PKNOX1: variants seen among roughly 807,000 people sequenced by gnomAD.
PKNOX1 encodes homeobox protein PKNOX1.
A neutral mutation model predicts 51.9 loss-of-function variants in PKNOX1; 15 were observed. That is an observed-to-expected ratio of 0.29 (90% confidence interval 0.19 to 0.45). PKNOX1 has a LOEUF of 0.45. Ranked by LOEUF, PKNOX1 falls within the 20% of genes least tolerant of loss-of-function variation. The pLI, the probability that PKNOX1 is intolerant of heterozygous loss-of-function variation, is 1.00. For missense variants in PKNOX1, 462 were observed against 547.5 expected (o/e 0.84, Z 1.56); for synonymous variants, 219 against 211.1 (o/e 1.04, Z -0.32).
chr21:42,992,133 C>T (rs1202874470), intron 1 of PKNOX1, among the ~76,000 whole-genome samples: 3 of 152,240 alleles, frequency 2.0e-5, no homozygotes, highest in Non-Finnish European at 4.4e-5. Context: ...TTCATCAGCT[C>T]ACCCTGTGTT....
chr21:42,999,285 G>C (rs1978643640), intron 1 of PKNOX1, among the ~76,000 whole-genome samples: 1 of 152,204 alleles, frequency 6.6e-6, no homozygotes, highest in South Asian at 2.1e-4. Context: ...ACAGAACAAG[G>C]ACCCTGGGCC....
chr21:43,018,208 C>G lies in PKNOX1; in HGVS notation c.698C>G (p.Thr233Arg), dbSNP rs1200452658. ...QVVTQTLSPG[T>R]IRIQNSQLQL... Reference sequence around the variant, plus strand: ...GTCACACAGACATTGTCGCCTGGGACAATTAGGATCCAGAACTCCCAGGTG... The same window carrying G: ...GTCACACAGACATTGTCGCCTGGGAGAATTAGGATCCAGAACTCCCAGGTG... The change falls in exon 7 of 11, where the codon ACA becomes AGA. Residue 233 changes from threonine (T) to arginine (R), a missense_variant. Physicochemically the swap from Thr to Arg is moderately conservative, Grantham distance 71. Transcript: ENST00000291547. 1.2e-6 allele frequency: 2 copies of G among 1,613,336 alleles called. No homozygotes were observed. The highest frequency in any genetic ancestry group is 1.7e-6 in the Non-Finnish European group (2 of 1,179,544).
chr21:42,988,195 C>T (rs566954709), intron 1 of PKNOX1, among the ~76,000 whole-genome samples: 11 of 152,060 alleles, frequency 7.2e-5, no homozygotes, highest in Admixed American at 5.2e-4. Flanking sequence ...CTGAAATAGG[C>T]GCGTGCCACC....
Position 42,984,876 on chromosome 21 carries a change from C to T in PKNOX1, c.-57+10212C>T, listed in dbSNP as rs2059043563. On this transcript the variant is annotated intron_variant, in intron 1 of 10. Coordinates refer to ENST00000291547, the MANE Select transcript of PKNOX1 (RefSeq NM_004571.5). Reference sequence around the variant, plus strand: ...CAGGGAGGGAGTGCAGGTGCCAGTTCCACAGTGCTGTGTGCCCAGTGTAGG... The same window carrying T: ...CAGGGAGGGAGTGCAGGTGCCAGTTTCACAGTGCTGTGTGCCCAGTGTAGG... Among the ~76,000 whole-genome samples, 3 of 140,224 alleles carry T rather than the reference C, an allele frequency of 2.1e-5. No homozygotes were observed. In the South Asian group the frequency reaches 7.2e-4, roughly 34 times the overall value. The allele number at this position is 140,224 out of a possible 152,430, so 92.0% of individuals were successfully genotyped here.
chr21:43,019,599 G>C (rs1363833885), intron 7 of PKNOX1, among the ~76,000 whole-genome samples: 1 of 151,808 alleles, frequency 6.6e-6, no homozygotes, highest in African/African-American at 2.4e-5. Flanking sequence ...CTGGAGTGTA[G>C]TGGTGTGATC....
Position 43,010,627 on chromosome 21 carries a change from A to G in PKNOX1, c.351+403A>G, listed in dbSNP as rs8127230. On this transcript the variant is annotated intron_variant, in intron 4 of 10. Coordinates refer to ENST00000291547, the MANE Select transcript of PKNOX1 (RefSeq NM_004571.5). ...AGCACTTTGGGAGGCCGAGGTGGGC[A>G]GATCACAAGGTCAGGAGTTCGAGAC... Among the ~76,000 whole-genome samples, 620 of 152,050 alleles carry G rather than the reference A, an allele frequency of 4.1e-3. 4 individuals carry two copies. Among genetic ancestry groups the G allele is most frequent in the African/African-American group, 0.014 (587 of 41,486 alleles).
In PKNOX1 at chr21:43,010,215, T is replaced by C. The variant is rs234781; in HGVS notation, c.342T>C (p.Thr114=). ...CTTTCTTTTGTGAAGATCCAGAAAC[T>C]GATAATTTAGTAAGTAAAATAAATT... ...GKPFFCEDPE[T]DNLMVKAIQV... is the part of the protein sequence containing the mutation. The change falls in exon 4 of 11, where the codon ACT becomes ACC. Residue 114 remains threonine (T), a synonymous_variant. Transcript: ENST00000291547. 0.9 allele frequency: 1,367,594 copies of C among 1,520,792 alleles called. 616,553 individuals carry two copies. Among genetic ancestry groups the C allele is most frequent in the Non-Finnish European group, 0.91 (1,024,198 of 1,122,810 alleles). 94.2% of individuals were successfully genotyped at this position (1,520,792 alleles called of 1,614,324 possible).
In PKNOX1 at chr21:42,983,967, A is replaced by G. The variant is rs797019835; in HGVS notation, c.-57+9303A>G. On this transcript the variant is annotated intron_variant, in intron 1 of 10. Coordinates refer to ENST00000291547, the MANE Select transcript of PKNOX1 (RefSeq NM_004571.5). Reference sequence around the variant, plus strand: ...ATTTCCCTAATAATTAGTGATGTGGAGCATCTTTTCACATGTTCATCGGCC... The same window carrying G: ...ATTTCCCTAATAATTAGTGATGTGGGGCATCTTTTCACATGTTCATCGGCC... 2.6e-5 allele frequency among the ~76,000 whole-genome samples: 4 copies of G among 151,994 alleles called. No homozygotes were observed. The South Asian group carries it at 8.3e-4, about 32-fold the overall frequency.
intron 1 of PKNOX1, among the ~76,000 whole-genome samples, chr21:42,982,598 G>GTGC (rs1168424622): frequency 1.3e-5 from 2 of 151,644 alleles, no homozygotes; most frequent in African/African-American, 4.8e-5. Context: ...GGGTGTGGTG[G>GTGC]TGCATGCCTG....
At chr21:43,020,819 G>A (rs946837818) in intron 7 of PKNOX1, among the ~76,000 whole-genome samples, 6 of 152,204 alleles carry the variant, frequency 3.9e-5, no homozygotes, top group Non-Finnish European at 8.8e-5. Flanking sequence ...AGAGGACCAC[G>A]GCATTCCTGC....
chr21:42,997,766 T>C (rs1005445287), intron 1 of PKNOX1, among the ~76,000 whole-genome samples: 4 of 152,200 alleles, frequency 2.6e-5, no homozygotes, highest in African/African-American at 9.6e-5. Flanking sequence ...ATGCATGTTC[T>C]CCACCTAGCC....
rs368521093 is a variant in PKNOX1 at position 43,026,649 on chromosome 21, G to C, written c.926+1702G>C. ...GTGCACACCTGTAATCCCAGCTACT[G>C]AGGAGGCTAAGGCAGTAGAATGGCT... is the stretch of plus-strand genomic sequence containing the variant. On this transcript the variant is annotated intron_variant, in intron 9 of 10. Coordinates refer to ENST00000291547, the MANE Select transcript of PKNOX1 (RefSeq NM_004571.5). Among the ~76,000 whole-genome samples the C allele has an allele frequency of 5.3e-5, 8 of 152,244 alleles. No homozygotes were observed. In the South Asian group the frequency reaches 6.2e-4, roughly 12 times the overall value.
At chr21:42,992,892 G>A (rs1277579818) in intron 1 of PKNOX1, among the ~76,000 whole-genome samples, 1 of 147,704 alleles carries the variant, frequency 6.8e-6, no homozygotes, top group Non-Finnish European at 1.5e-5. Flanking sequence ...ATATCATTGC[G>A]AGCTTCCTCA....
At chr21:43,014,282 A>G (rs1007191924) in intron 5 of PKNOX1, among the ~76,000 whole-genome samples, 33 of 151,954 alleles carry the variant, frequency 2.2e-4, no homozygotes, top group Admixed American at 1.9e-3. Flanking sequence ...TGGCCTCCCA[A>G]AGTGCTGGGA....
rs768001022 is a variant in PKNOX1 at position 43,007,630 on chromosome 21, G to C, written c.179+12G>C. 6.2e-7 allele frequency: 1 copy of C among 1,614,014 alleles called. No individual in the cohort carries two copies. The highest frequency in any genetic ancestry group is 8.5e-7 in the Non-Finnish European group (1 of 1,179,942). ...CAGGCCATTTATAGGTAGTGCCCGG[G>C]GTGCCGGCTGTGGGGGCCTCAGAGG... is the stretch of plus-strand genomic sequence containing the variant. On this transcript the variant is annotated intron_variant, in intron 3 of 10. Transcript: ENST00000291547.
chr21:43,032,199 GTGAACTGTCTT>G lies in PKNOX1; in HGVS notation c.*2099_*2109del. ...AAAGCCACCATTGCGTTCCTCATTT[GTGAACTGTCTT>G]CTCATATTTTAAGTCAAGTCTATAA... On this transcript the variant is annotated 3_prime_UTR_variant, in exon 11 of 11. Transcript: ENST00000291547. 1 of 453,510 alleles carries G rather than the reference GTGAACTGTCTT, an allele frequency of 2.2e-6. No homozygotes were observed. The highest frequency in any genetic ancestry group is 7.0e-5 in the East Asian group (1 of 14,362). 28.1% of individuals were successfully genotyped at this position (453,510 alleles called of 1,614,324 possible).
At chr21:42,992,925 C>T (rs1465565647) in intron 1 of PKNOX1, among the ~76,000 whole-genome samples, 1 of 144,828 alleles carries the variant, frequency 6.9e-6, no homozygotes, top group Non-Finnish European at 1.5e-5. Context: ...GCTTCCTCAG[C>T]ACTGGGGGTC....
chr21:43,029,453 A>T, intron 10 of PKNOX1, among the ~76,000 whole-genome samples: 1 of 72,476 alleles, frequency 1.4e-5, no homozygotes, highest in African/African-American at 4.7e-5. Context: ...TTTGAGACAG[A>T]GTCTCACTCT....
rs1184266386 is a variant in PKNOX1, at chr21:43,024,944, A to G, written c.923A>G (p.Asn308Ser). 6.2e-7 allele frequency: 1 copy of G among 1,602,256 alleles called. No homozygotes were observed. Among genetic ancestry groups the G allele is most frequent in the Non-Finnish European group, 8.6e-7 (1 of 1,169,382 alleles). Residue 308 changes from asparagine (N) to serine (S), a missense_variant, in exon 9 of 11, where the codon AAC (asparagine) becomes AGC (serine). Physicochemically the swap from Asn to Ser is conservative, Grantham distance 46 (BLOSUM62 1). Around this residue, in one of 5 missense-constraint regions of PKNOX1, gnomAD observed 75 missense variants for 129.8 expected, o/e 0.58. Coordinates refer to ENST00000291547, the MANE Select transcript of PKNOX1 (RefSeq NM_004571.5). ...QTNLTLLQVN[N>S]WFINARRRIL... is the part of the protein sequence containing the mutation. ...AATTTGACACTACTCCAAGTCAACAACTGGTAAGGTGCCCTGCTTCCTGAA... is the reference window on the plus strand; with the variant it reads ...AATTTGACACTACTCCAAGTCAACAGCTGGTAAGGTGCCCTGCTTCCTGAA...
Sources: gnomAD v4.1 joint callset for allele counts (sites outside exome capture counted in the v4.1 genomes callset) on GRCh38, gnomAD v4.1.1 for gene constraint, gnomAD v4.1.1 regional missense constraint, MANE v1.5 for transcripts, NCBI Gene and HGNC (gene_info 2026-07-23, HGNC 2026-07-21) for gene names.